The following SYNE1 variants were observed in gnomAD, a reference collection of about 807,000 sequenced individuals.
SYNE1 encodes spectrin repeat containing nuclear envelope protein 1.
SYNE1 carries 616 observed loss-of-function variants against 1,111.0 expected under a neutral mutation model. The observed-to-expected ratio is 0.55, with a 90% CI of 0.52 to 0.59. SYNE1 has a LOEUF of 0.59. SYNE1 is among the 20% of genes least tolerant of loss of function. SYNE1 has a pLI of 0.00. For missense variants in SYNE1, 10,006 were observed against 10,417.0 expected, an observed-to-expected ratio of 0.96 and a Z score of 1.72; for synonymous variants, 3,855 against 3,825.8, an observed-to-expected ratio of 1.01 and a Z score of -0.28.
chr6:152,467,493 G>A (rs762481906), intron 16 of SYNE1, among the ~76,000 whole-genome samples: 1 of 152,078 alleles, frequency 6.6e-6, no homozygotes, highest in Non-Finnish European at 1.5e-5. Context: ...TCTGCATTTA[G>A]TATTGGTACA....
At chr6:152,550,864 G>T (rs562290122) in intron 3 of SYNE1, among the ~76,000 whole-genome samples, 1 of 152,032 alleles carries the variant, frequency 6.6e-6, no homozygotes, top group African/African-American at 2.4e-5. Flanking sequence ...AACAAAGCTG[G>T]GGTCCTTAGA....
chr6:152,545,872 AT>A (rs2099310091), intron 3 of SYNE1: 1 of 152,252 alleles, frequency 6.6e-6, no homozygotes, highest in Non-Finnish European at 1.5e-5. Flanking sequence ...CAAATCACAC[AT>A]TTAAAATCAC....
rs1326516919 is a variant in SYNE1, at chr6:152,442,206, G to A, written c.3877C>T (p.Gln1293Ter). The change falls in exon 31 of 146, where the codon CAG becomes TAG. Residue 1293 changes from glutamine to a stop codon, truncating the protein, a stop_gained. Transcript: ENST00000367255. LOFTEE classifies it high-confidence loss of function. ...KRISAKKRDV[Q>*]QQIAQAQQGE... ...TGCTGCGCCTGCGCGATCTGCTGCTGCACATCTCTCTTCTTTGCTGAGATC... is the reference window on the plus strand; with the variant it reads ...TGCTGCGCCTGCGCGATCTGCTGCTACACATCTCTCTTCTTTGCTGAGATC... 1 of 1,613,536 alleles carries A rather than the reference G, an allele frequency of 6.2e-7. No homozygotes were observed. The highest frequency in any genetic ancestry group is 8.5e-7 in the Non-Finnish European group (1 of 1,180,048).
At chr6:152,161,019 T>C (rs551957056) in intron 131 of SYNE1, among the ~76,000 whole-genome samples, 8 of 151,460 alleles carry the variant, frequency 5.3e-5, no homozygotes, top group Non-Finnish European at 7.4e-5. Flanking sequence ...AACAAAAAGA[T>C]AAATATATGA....
intron 6 of SYNE1, chr6:152,511,471 A>G (rs1417563385): frequency 8.7e-6 from 9 of 1,037,786 alleles, no homozygotes; most frequent in African/African-American, 7.9e-5. Context: ...AAGTTTAAGA[A>G]GATGCACTTA....
intron 95 of SYNE1, among the ~76,000 whole-genome samples, chr6:152,284,610 A>AT (rs760978831): frequency 0.054 from 5,812 of 107,936 alleles, 192 homozygotes; most frequent in Non-Finnish European, 0.068. Flanking sequence ...ACACCTGGTA[A>AT]TTTTTTTTTT....
At chr6:152,534,631 G>A (rs1169292365) in intron 4 of SYNE1, among the ~76,000 whole-genome samples, 1 of 152,098 alleles carries the variant, frequency 6.6e-6, no homozygotes, top group Non-Finnish European at 1.5e-5. Context: ...AATTATTTGG[G>A]GGGGTGAATT....
At chr6:152,158,273 T>C (rs1435391650) in intron 131 of SYNE1, among the ~76,000 whole-genome samples, 1 of 152,222 alleles carries the variant, frequency 6.6e-6, no homozygotes, top group Non-Finnish European at 1.5e-5. Flanking sequence ...ATTTTTTGTT[T>C]ACTATATTCA....
At position 152,325,065 on chromosome 6, in the gene SYNE1, C is replaced by T; in HGVS notation, c.15657+19G>A. 1.2e-6 allele frequency: 2 copies of T among 1,612,492 alleles called. No homozygotes were observed. The highest frequency in any genetic ancestry group is 1.7e-6 in the Non-Finnish European group (2 of 1,179,216). On this transcript the variant is annotated intron_variant, in intron 81 of 145. Transcript: ENST00000367255. ...ATTAGTGAGGAAAGAAAGGTGAGCCCATGGACAGTGGAAACTACCTTGTTG... is the reference window on the plus strand; with the variant it reads ...ATTAGTGAGGAAAGAAAGGTGAGCCTATGGACAGTGGAAACTACCTTGTTG...
rs2099036274 is a variant in SYNE1, at chr6:152,502,700, T to C, written c.821A>G (p.Tyr274Cys). ...DKPDEKSIMT[Y>C]VAQFLKHYPD... ...ATAATGTTTCAGAAACTGGGCTACA[T>C]AGGTCATAATAGATTTCTCATCTGG... The change falls in exon 10 of 146, where the codon TAT becomes TGT. Residue 274 changes from tyrosine to cysteine, a missense_variant. Tyr to Cys is a radical substitution (Grantham distance 194). This residue lies in a region of SYNE1 where 1,971 missense variants were observed against 2,084.1 expected (regional missense o/e 0.95). Transcript: ENST00000367255. 2 of 1,613,818 alleles carry C rather than the reference T, an allele frequency of 1.2e-6. No individual in the cohort carries two copies. The highest frequency in any genetic ancestry group is 1.7e-5 in the Admixed American group (1 of 60,022).
intron 142 of SYNE1, 44 bp downstream of exon 142, chr6:152,135,060 C>T: frequency 6.2e-7 from 1 of 1,613,528 alleles, no homozygotes; most frequent in South Asian, 1.1e-5. Flanking sequence ...GAAATGCAAC[C>T]CTGCTAAAAA....
chr6:152,270,812 G>A (rs371068272), intron 98 of SYNE1, among the ~76,000 whole-genome samples: 3 of 152,184 alleles, frequency 2.0e-5, no homozygotes, highest in African/African-American at 7.2e-5. Flanking sequence ...GAGGCCTAAG[G>A]AAGCATCTTT....
intron 134 of SYNE1, 113 bp from the exon 135 acceptor site, chr6:152,151,803 A>G: frequency 6.6e-7 from 1 of 1,508,806 alleles, no homozygotes; most frequent in East Asian, 2.4e-5. Flanking sequence ...TCAGCAAGCA[A>G]TGAGAAGCCT....
intron 104 of SYNE1, among the ~76,000 whole-genome samples, chr6:152,250,197 G>C (rs1462838109): frequency 6.6e-6 from 1 of 151,918 alleles, no homozygotes; most frequent in Non-Finnish European, 1.5e-5. Context: ...TCAGGAGTTT[G>C]AGGTTGAAGT....
At chr6:152,241,528 G>GTGTGTGTGTGTGTGTGTGTGTA (rs1243329619) in intron 107 of SYNE1, among the ~76,000 whole-genome samples, 1 of 24,200 alleles carries the variant, frequency 4.1e-5, no homozygotes, top group Non-Finnish European at 6.7e-5. Context: ...GTGTGTGTGT[G>GTGTGTGTGTGTGTGTGTGTGTA]TGAAATACGC....
intron 32 of SYNE1, among the ~76,000 whole-genome samples, chr6:152,439,387 G>A (rs181444883): frequency 6.6e-6 from 1 of 152,014 alleles, no homozygotes; most frequent in East Asian, 1.9e-4. Flanking sequence ...TTTAATACAC[G>A]AAATAATTTA....
chr6:152,354,657 A>T lies in SYNE1; in HGVS notation c.10926+2T>A. 1 of 1,614,198 alleles carries T rather than the reference A, an allele frequency of 6.2e-7. No homozygotes were observed. The highest frequency in any genetic ancestry group is 8.5e-7 in the Non-Finnish European group (1 of 1,180,000). On this transcript the variant is annotated splice_donor_variant, in intron 67 of 145. Coordinates refer to ENST00000367255, the MANE Select transcript of SYNE1 (RefSeq NM_182961.4). LOFTEE classifies it high-confidence loss of function. ...AAGATCAGGAATCTACATGAGTTGT[A>T]CCTTCATCTGATGTAATTGTATCTC...
intron 16 of SYNE1, among the ~76,000 whole-genome samples, chr6:152,469,341 T>G (rs1310177547): frequency 2.0e-5 from 3 of 152,064 alleles, no homozygotes; most frequent in African/African-American, 7.2e-5. Flanking sequence ...ATCATCATCA[T>G]TATCATTATT....
intron 29 of SYNE1, 83 bp from the exon 30 acceptor site, chr6:152,444,661 G>T: frequency 7.8e-7 from 1 of 1,276,242 alleles, no homozygotes; most frequent in Non-Finnish European, 1.1e-6. Flanking sequence ...AGGTATGATT[G>T]ACAAATAAAC....
Sources: gnomAD v4.1 joint callset for allele counts (sites outside exome capture counted in the v4.1 genomes callset) on GRCh38, gnomAD v4.1.1 for gene constraint, gnomAD v4.1.1 regional missense constraint, MANE v1.5 for transcripts, NCBI Gene and HGNC (gene_info 2026-07-23, HGNC 2026-07-21) for gene names.